Variants in OXCT1 observed in about 807,000 individuals in gnomAD.
OXCT1 encodes 3-oxoacid CoA-transferase 1.
Under a neutral mutation model 69.6 loss-of-function variants are expected in OXCT1, and 27 were observed. The observed-to-expected ratio is 0.39, with a 90% CI of 0.29 to 0.54. The LOEUF (loss-of-function observed/expected upper bound fraction) is 0.54, where lower values mean the gene tolerates loss of function less well. OXCT1 is among the 20% of genes least tolerant of loss of function. OXCT1 has a pLI of 0.72. For synonymous variants in OXCT1, 202 were observed against 217.8 expected (o/e 0.93, Z 0.64); for missense variants, 437 against 650.2 (o/e 0.67, Z 3.57).
chr5:41,817,476 A>G (rs894444019), intron 7 of OXCT1, among the ~76,000 whole-genome samples: 4 of 152,204 alleles, frequency 2.6e-5, no homozygotes, highest in African/African-American at 9.6e-5. Context: ...AAGTTTGCAC[A>G]TTATTGTGTA....
chr5:41,869,987 G>GT, intron 1 of OXCT1: 20 of 445,826 alleles, frequency 4.5e-5, no homozygotes, highest in South Asian at 1.5e-4. Context: ...AGCGCCAAAG[G>GT]GCTCGGGAGC....
intron 7 of OXCT1, among the ~76,000 whole-genome samples, chr5:41,814,102 C>CT (rs1262634551): frequency 6.6e-6 from 1 of 151,020 alleles, no homozygotes; most frequent in Non-Finnish European, 1.5e-5. Flanking sequence ...ATATTTATGT[C>CT]TTATAAGCTA....
At chr5:41,815,628 TA>T (rs1391032638) in intron 7 of OXCT1, among the ~76,000 whole-genome samples, 1 of 152,162 alleles carries the variant, frequency 6.6e-6, no homozygotes, top group East Asian at 1.9e-4. Flanking sequence ...TCCAGAGAAA[TA>T]ATTAAAATGA....
At chr5:41,778,395 C>T (rs1745229735) in intron 13 of OXCT1, among the ~76,000 whole-genome samples, 2 of 152,068 alleles carry the variant, frequency 1.3e-5, no homozygotes, top group Non-Finnish European at 2.9e-5. Flanking sequence ...GGAGAGAGAA[C>T]GGTAAATGTA....
At chr5:41,825,670 A>C (rs1455955467) in intron 7 of OXCT1, among the ~76,000 whole-genome samples, 2 of 152,130 alleles carry the variant, frequency 1.3e-5, no homozygotes, top group Admixed American at 1.3e-4. Context: ...AGAACAACAG[A>C]TGTGACTTTC....
At chr5:41,763,106 A>C (rs1744425637) in intron 13 of OXCT1, among the ~76,000 whole-genome samples, 1 of 152,140 alleles carries the variant, frequency 6.6e-6, no homozygotes, top group Non-Finnish European at 1.5e-5. Context: ...CCTTTCTGAT[A>C]ATGTTAGAGC....
At chr5:41,743,883 C>A (rs1222705270) in intron 15 of OXCT1, among the ~76,000 whole-genome samples, 1 of 152,076 alleles carries the variant, frequency 6.6e-6, no homozygotes, top group Non-Finnish European at 1.5e-5. Context: ...GTTACTGTAG[C>A]CTTGTAGTAT....
chr5:41,800,581 A>G (rs980267422), intron 11 of OXCT1, among the ~76,000 whole-genome samples: 2 of 150,924 alleles, frequency 1.3e-5, no homozygotes, highest in Non-Finnish European at 3.0e-5. Flanking sequence ...TCCTCTACCA[A>G]AGGCCACAGT....
intron 7 of OXCT1, among the ~76,000 whole-genome samples, chr5:41,829,979 T>C (rs1490182007): frequency 1.3e-5 from 2 of 152,232 alleles, no homozygotes; most frequent in Non-Finnish European, 2.9e-5. Flanking sequence ...ATCAGTCAGT[T>C]CATTCAGTAT....
intron 7 of OXCT1, among the ~76,000 whole-genome samples, chr5:41,815,703 A>C (rs141681470): frequency 6.6e-6 from 1 of 152,334 alleles, no homozygotes; most frequent in African/African-American, 2.4e-5. Context: ...AGTCTTATCT[A>C]TAATAGTTTT....
intron 1 of OXCT1, among the ~76,000 whole-genome samples, chr5:41,869,682 G>A (rs1431777140): frequency 6.6e-6 from 1 of 152,204 alleles, no homozygotes; most frequent in African/African-American, 2.4e-5. Context: ...AAGACGCCCT[G>A]GCGAGCGCTC....
At chr5:41,816,119 A>C (rs2112312758) in intron 7 of OXCT1, among the ~76,000 whole-genome samples, 1 of 152,278 alleles carries the variant, frequency 6.6e-6, no homozygotes, top group South Asian at 2.1e-4. Flanking sequence ...CTAAATTTAA[A>C]ATTGTTTAGC....
Position 41,801,008 on chromosome 5 carries a change from A to G in OXCT1, c.1099+14T>C, listed in dbSNP as rs1423779088. ...TTAATAGCAAAGGGAAGGGCTAGAA[A>G]TAAGTGAGCTTACCTGCATTGATGA... On this transcript the variant is annotated intron_variant, in intron 11 of 16. Transcript: ENST00000196371. 7 of 1,608,902 alleles carry G rather than the reference A, an allele frequency of 4.4e-6. No homozygotes were observed. The highest frequency in any genetic ancestry group is 6.0e-6 in the Non-Finnish European group (7 of 1,175,488).
chr5:41,793,239 T>C (rs1746013002), intron 13 of OXCT1, among the ~76,000 whole-genome samples: 2 of 152,190 alleles, frequency 1.3e-5, no homozygotes, highest in South Asian at 2.1e-4. Context: ...GCTTGTTCTA[T>C]AGAGAAACAT....
chr5:41,809,154 T>G (rs1007028841), intron 7 of OXCT1, among the ~76,000 whole-genome samples: 2 of 152,052 alleles, frequency 1.3e-5, no homozygotes, highest in Non-Finnish European at 2.9e-5. Flanking sequence ...AAATGCACTT[T>G]GGGATAGACA....
intron 7 of OXCT1, among the ~76,000 whole-genome samples, chr5:41,811,384 C>T (rs79723589): frequency 2.0e-5 from 3 of 151,948 alleles, no homozygotes; most frequent in East Asian, 1.9e-4. Flanking sequence ...TTATGTTATA[C>T]GAATATGTCA....
chr5:41,740,576 C>T (rs1743112296), intron 15 of OXCT1, among the ~76,000 whole-genome samples: 1 of 152,200 alleles, frequency 6.6e-6, no homozygotes, highest in South Asian at 2.1e-4. Context: ...AGAACACATG[C>T]TTTCACACTT....
intron 13 of OXCT1, among the ~76,000 whole-genome samples, chr5:41,789,560 A>G (rs1487539813): frequency 2.0e-5 from 3 of 152,230 alleles, no homozygotes; most frequent in African/African-American, 7.2e-5. Flanking sequence ...ATACTACATG[A>G]TCAATAAGTA....
At position 41,853,546 on chromosome 5, in the gene OXCT1, T is replaced by C. The variant is rs1182441196; in HGVS notation, c.287A>G (p.Asn96Ser). 5 of 1,613,416 alleles carry C rather than the reference T, an allele frequency of 3.1e-6. No individual in the cohort carries two copies. Among genetic ancestry groups the C allele is most frequent in the African/African-American group, 2.7e-5 (2 of 74,798 alleles). The change falls in exon 4 of 17, where the codon AAT (asparagine) becomes AGT (serine). Residue 96 changes from asparagine (N) to serine (S), a missense_variant. By Grantham distance (46) the Asn-to-Ser change is conservative. This residue lies in a region of OXCT1 where 252 missense variants were observed against 397.4 expected (regional missense o/e 0.63). Transcript: ENST00000196371. ...TAVSNNAGVDNFGLGLLLRSK... is the reference protein window; with the variant it reads ...TAVSNNAGVDSFGLGLLLRSK... ...CCGAAGCAAAAGCCCCAAACCAAAATTGTCAACCCTAGAAGGAAAATGAAG... is the reference window on the plus strand; with the variant it reads ...CCGAAGCAAAAGCCCCAAACCAAAACTGTCAACCCTAGAAGGAAAATGAAG...
Sources: gnomAD v4.1 joint callset for allele counts (sites outside exome capture counted in the v4.1 genomes callset) on GRCh38, gnomAD v4.1.1 for gene constraint, gnomAD v4.1.1 regional missense constraint, MANE v1.5 for transcripts, NCBI Gene and HGNC (gene_info 2026-07-23, HGNC 2026-07-21) for gene names.